The following C19orf47 variants were observed in gnomAD, a reference collection of about 807,000 sequenced individuals.
The protein encoded by C19orf47 is uncharacterized protein C19orf47.
In C19orf47, 18 loss-of-function variants were observed where a neutral mutation model predicts 32.3. That is an observed-to-expected ratio of 0.56 (90% CI 0.39 to 0.83). The LOEUF (loss-of-function observed/expected upper bound fraction) is 0.83. C19orf47 is among the 40% of genes least tolerant of loss of function. The pLI is 0.00. For missense variants in C19orf47, 484 were observed against 531.6 expected (o/e 0.91, Z 0.88); for synonymous variants, 202 against 211.1 (o/e 0.96, Z 0.37).
At chr19:40,299,792 G>A in the C19orf47 span, among the ~76,000 whole-genome samples, 4 of 152,050 alleles carry the variant, frequency 2.6e-5, no homozygotes, top group Non-Finnish European at 5.9e-5. Flanking sequence ...TTGGGAGGCC[G>A]AGGCAGGTGG....
chr19:40,335,401 G>A (rs2145582261), intron 4 of C19orf47, among the ~76,000 whole-genome samples: 1 of 152,188 alleles, frequency 6.6e-6, no homozygotes, highest in South Asian at 2.1e-4. Context: ...TATTACAGAG[G>A]GACCCAAATA....
At chr19:40,338,304 TACAC>T (rs2078108638) in intron 2 of C19orf47, among the ~76,000 whole-genome samples, 2 of 148,814 alleles carry the variant, frequency 1.3e-5, no homozygotes, top group South Asian at 4.2e-4. Context: ...TATATATATA[TACAC>T]ATATATATAC....
At chr19:40,318,509 G>A (rs1159872665), downstream of C19orf47, among the ~76,000 whole-genome samples, 1 of 152,106 alleles carries the variant, frequency 6.6e-6, no homozygotes, top group Non-Finnish European at 1.5e-5. Flanking sequence ...TTAGCAACTG[G>A]AACTCTTCCA....
rs2077723761 is a variant in C19orf47, at chr19:40,321,839, G to C, written c.*43C>G. ...CCAGGAGCCTGGGGCGGCCAGGGCAGATGCCCGCAGGCTCTGCTGCCTGCA... is the reference window on the plus strand; with the variant it reads ...CCAGGAGCCTGGGGCGGCCAGGGCACATGCCCGCAGGCTCTGCTGCCTGCA... On this transcript the variant is annotated 3_prime_UTR_variant, in exon 9 of 9. Coordinates refer to ENST00000683109, the MANE Select transcript of C19orf47 (RefSeq NM_001256441.2). 1 of 1,488,782 alleles carries C rather than the reference G, an allele frequency of 6.7e-7. No homozygotes were observed. The highest frequency in any genetic ancestry group is 1.4e-5 in the African/African-American group (1 of 70,956). 92.2% of individuals were successfully genotyped at this position (1,488,782 alleles called of 1,614,324 possible).
the C19orf47 span, among the ~76,000 whole-genome samples, chr19:40,303,439 C>G: frequency 6.0e-5 from 9 of 150,774 alleles, no homozygotes; most frequent in Admixed American, 4.7e-4. Context: ...AGGAGAATGG[C>G]GTGAACCCAG....
chr19:40,337,288 A>AATTATTATTATTATTATT lies in C19orf47; in HGVS notation c.20-899_20-882dup, dbSNP rs57061818. On this transcript the variant is annotated intron_variant, in intron 2 of 8. Coordinates refer to ENST00000683109, the MANE Select transcript of C19orf47 (RefSeq NM_001256441.2). ...GAGGACATCCTCAAACCATGACAGC[A>AATTATTATTATTATTATT]ATTATTATTATTATTATTATTATTA... 1.6e-3 allele frequency among the ~76,000 whole-genome samples: 227 copies of AATTATTATTATTATTATT among 143,224 alleles called. 2 individuals carry two copies. Among genetic ancestry groups the AATTATTATTATTATTATT allele is most frequent in the East Asian group, 9.0e-3 (44 of 4,892 alleles). 94.0% of individuals were successfully genotyped at this position (143,224 alleles called of 152,430 possible). A position where few individuals can be genotyped will look rare whatever the true frequency, so the allele number is the denominator to read the frequency against.
the C19orf47 span, among the ~76,000 whole-genome samples, chr19:40,313,018 G>A: frequency 3.4e-3 from 521 of 152,274 alleles, 8 homozygotes; most frequent in East Asian, 0.022. Flanking sequence ...TTGCATGTAC[G>A]TGGAAGTTTC....
chr19:40,295,212 G>C, the C19orf47 span, among the ~76,000 whole-genome samples: 1 of 151,998 alleles, frequency 6.6e-6, no homozygotes, highest in African/African-American at 2.4e-5. Flanking sequence ...AGTAGAGACA[G>C]GGTTTTACCA....
At chr19:40,316,345 G>A (rs2077661965), downstream of C19orf47, among the ~76,000 whole-genome samples, 1 of 152,154 alleles carries the variant, frequency 6.6e-6, no homozygotes, top group Non-Finnish European at 1.5e-5. Flanking sequence ...GTCTCAGGGC[G>A]ACCATCCACA....
chr19:40,341,486 T>C (rs1303287554), intron 2 of C19orf47, among the ~76,000 whole-genome samples: 1 of 152,216 alleles, frequency 6.6e-6, no homozygotes, highest in Non-Finnish European at 1.5e-5. Context: ...AAGGTTTGTT[T>C]AGAACTATGC....
At chr19:40,308,955 G>C in the C19orf47 span, among the ~76,000 whole-genome samples, 1 of 152,116 alleles carries the variant, frequency 6.6e-6, no homozygotes, top group Non-Finnish European at 1.5e-5. Flanking sequence ...CCAGCTACTT[G>C]GGAGGTTGAA....
At position 40,326,189 on chromosome 19, in the gene C19orf47, C is replaced by T. The variant is rs1376840770; in HGVS notation, c.592+145G>A. 5.2e-6 allele frequency: 6 copies of T among 1,145,430 alleles called. No individual in the cohort carries two copies. In the Admixed American group the frequency reaches 1.1e-4, roughly 21 times the overall value. 71.0% of individuals were successfully genotyped at this position (1,145,430 alleles called of 1,614,324 possible). On this transcript the variant is annotated intron_variant, in intron 7 of 8. Transcript: ENST00000683109. ...ATGTATTTCCCTCCTCTGCAGCCAC[C>T]ATCACTGTCCCCTTGGCCTACGGCT...
At chr19:40,330,683 C>T (rs2077934938) in intron 5 of C19orf47, among the ~76,000 whole-genome samples, 2 of 151,550 alleles carry the variant, frequency 1.3e-5, no homozygotes, top group African/African-American at 4.9e-5. Context: ...CCAAGCCTCC[C>T]ACAGCTAATT....
At chr19:40,330,643 G>A (rs1227263841) in intron 5 of C19orf47, among the ~76,000 whole-genome samples, 2 of 138,560 alleles carry the variant, frequency 1.4e-5, no homozygotes, top group African/African-American at 5.5e-5. Context: ...TCAAAGTCCT[G>A]GGCTCAAGCA....
intron 1 of C19orf47, among the ~76,000 whole-genome samples, chr19:40,345,987 T>C (rs2078269387): frequency 6.7e-6 from 1 of 149,506 alleles, no homozygotes; most frequent in Non-Finnish European, 1.5e-5. Context: ...AAACTCCGCC[T>C]CTACTAAAAA....
At chr19:40,307,305 G>A in the C19orf47 span, among the ~76,000 whole-genome samples, 1 of 151,770 alleles carries the variant, frequency 6.6e-6, no homozygotes, top group South Asian at 2.1e-4. Flanking sequence ...ATGTTGGCCA[G>A]ACTGGTCTCG....
At chr19:40,347,154 A>G (rs754678215) in intron 1 of C19orf47, among the ~76,000 whole-genome samples, 2 of 152,172 alleles carry the variant, frequency 1.3e-5, no homozygotes, top group Non-Finnish European at 2.9e-5. Flanking sequence ...TCAGTGTACA[A>G]TGTAATGGGC....
At chr19:40,337,121 C>T (rs1333961549) in intron 2 of C19orf47, among the ~76,000 whole-genome samples, 1 of 152,020 alleles carries the variant, frequency 6.6e-6, no homozygotes, top group African/African-American at 2.4e-5. Context: ...GTCCTACACA[C>T]GGGGGATACC....
chr19:40,332,315 A>G (rs1398732433), intron 5 of C19orf47, among the ~76,000 whole-genome samples: 2 of 151,946 alleles, frequency 1.3e-5, no homozygotes, highest in Non-Finnish European at 2.9e-5. Context: ...TAAGCGTGCC[A>G]TCGCACTCCA....
Sources: gnomAD v4.1 joint callset for allele counts (sites outside exome capture counted in the v4.1 genomes callset) on GRCh38, gnomAD v4.1.1 for gene constraint, MANE v1.5 for transcripts, NCBI Gene and HGNC (gene_info 2026-07-23, HGNC 2026-07-21) for gene names.